The following TBCD variants were observed in gnomAD, a reference collection of about 807,000 sequenced individuals.
TBCD encodes the protein tubulin folding cofactor D.
A neutral mutation model predicts 169.3 loss-of-function variants in TBCD; 105 were observed. The ratio of observed to expected loss-of-function variants is 0.62; its 90% confidence interval spans 0.53 to 0.73. The LOEUF (loss-of-function observed/expected upper bound fraction) is 0.73. Among genes scored for constraint, TBCD ranks in the 30% least tolerant of loss-of-function variants. TBCD has a pLI of 0.00. For synonymous variants in TBCD, 700 were observed against 643.9 expected, an observed-to-expected ratio of 1.09 and a Z score of -1.32; for missense variants, 1,444 against 1,600.1, an observed-to-expected ratio of 0.90 and a Z score of 1.66.
At chr17:82,870,614 T>C (rs1280691858) in intron 14 of TBCD, among the ~76,000 whole-genome samples, 1 of 151,276 alleles carries the variant, frequency 6.6e-6, no homozygotes, top group African/African-American at 2.4e-5. Context: ...CTGCAGGCAG[T>C]GGATTCTTGG....
intron 13 of TBCD, among the ~76,000 whole-genome samples, chr17:82,824,344 G>A (rs2052662931): frequency 6.6e-6 from 1 of 151,982 alleles, no homozygotes. Flanking sequence ...ACCATGCCCG[G>A]CTAATTCGTT....
chr17:82,808,760 C>G (rs2051205004), intron 11 of TBCD, among the ~76,000 whole-genome samples: 1 of 146,842 alleles, frequency 6.8e-6, no homozygotes, highest in Non-Finnish European at 1.5e-5. Context: ...AGGGAGGTCC[C>G]TGCTGTGGAG....
chr17:82,918,798 A>G (rs1196340464), intron 23 of TBCD: 1 of 152,246 alleles, frequency 6.6e-6, no homozygotes, highest in Admixed American at 6.5e-5. Context: ...TGCATCTCCA[A>G]GAAAATTATT....
chr17:82,812,322 G>A (rs1054742065), intron 12 of TBCD, among the ~76,000 whole-genome samples: 6 of 152,142 alleles, frequency 3.9e-5, no homozygotes, highest in Admixed American at 1.3e-4. Context: ...CCTCCCCCTC[G>A]CCCGCCGCCC....
intron 1 of TBCD, among the ~76,000 whole-genome samples, chr17:82,754,089 A>G (rs1304279720): frequency 6.6e-6 from 1 of 151,148 alleles, no homozygotes; most frequent in African/African-American, 2.4e-5. Context: ...GTTAGCCAGG[A>G]TGGTCTCGAT....
chr17:82,807,281 G>T (rs1244612296), intron 10 of TBCD, among the ~76,000 whole-genome samples: 1 of 152,216 alleles, frequency 6.6e-6, no homozygotes, highest in Non-Finnish European at 1.5e-5. Flanking sequence ...AGCCCACTTT[G>T]GTCACCCGTG....
rs370365856 is a variant in TBCD at position 82,830,403 on chromosome 17, G to A, written c.1318+15469G>A. 1.2e-5 allele frequency: 19 copies of A among 1,611,660 alleles called. No homozygotes were observed. The African/African-American group carries it at 2.4e-4, about 20-fold the overall frequency. ...GGCTGTAGGCCGCCAGCTGGCACAG[G>A]GCCACGGCTGCCGTCTGCTTCTGCT... On this transcript the variant is annotated intron_variant, in intron 13 of 38. Transcript: ENST00000355528.
chr17:82,818,470 A>G (rs2052125267), intron 13 of TBCD, among the ~76,000 whole-genome samples: 1 of 152,186 alleles, frequency 6.6e-6, no homozygotes, highest in Non-Finnish European at 1.5e-5. Context: ...TTGTTTATAT[A>G]AAGCTATAGT....
At chr17:82,851,801 A>G (rs751523326) in intron 13 of TBCD, among the ~76,000 whole-genome samples, 1 of 152,212 alleles carries the variant, frequency 6.6e-6, no homozygotes, top group Non-Finnish European at 1.5e-5. Context: ...CACCGTGGAG[A>G]TGGAAAATGG....
intron 16 of TBCD, among the ~76,000 whole-genome samples, chr17:82,892,809 T>C (rs2059231931): frequency 6.6e-6 from 1 of 152,208 alleles, no homozygotes; most frequent in South Asian, 2.1e-4. Context: ...AAATTATTTA[T>C]GTTGTTTCCA....
Position 82,850,188 on chromosome 17 carries a change from C to A in TBCD, c.1319-20036C>A, listed in dbSNP as rs1320471622. Among the ~76,000 whole-genome samples, 305 of 120,040 alleles carry A rather than the reference C, an allele frequency of 2.5e-3. 16 individuals are homozygous for A. Among genetic ancestry groups the A allele is most frequent in the African/African-American group, 9.6e-3 (287 of 29,990 alleles). 78.8% of individuals were successfully genotyped at this position (120,040 alleles called of 152,430 possible). A position where few individuals can be genotyped will look rare whatever the true frequency, so the allele number is the denominator to read the frequency against. ...GTTGCCTGTGCTGCTGTTGGCTGTG[C>A]TGCTGTTGGCTGTGCTGTTGTTGGC... On this transcript the variant is annotated intron_variant, in intron 13 of 38. Coordinates refer to ENST00000355528, the MANE Select transcript of TBCD (RefSeq NM_005993.5).
rs1048705367 is a variant in TBCD at position 82,922,571 on chromosome 17, G to A, written c.2178+994G>A. Among the ~76,000 whole-genome samples, 5 of 151,522 alleles carry A rather than the reference G, an allele frequency of 3.3e-5. No individual in the cohort carries two copies. Among genetic ancestry groups the A allele is most frequent in the African/African-American group, 1.2e-4 (5 of 41,184 alleles). On this transcript the variant is annotated intron_variant, in intron 25 of 38. Transcript: ENST00000355528. The surrounding 1 kb of genome is among the most constrained non-coding windows in gnomAD (Gnocchi z 4.1). ...GAACATTCTGTAGGATCCAAGTACC[G>A]TTCTACTAATTGAATTTGAATGCAT... is the stretch of plus-strand genomic sequence containing the variant.
rs1402542200 is a variant in TBCD, at chr17:82,920,209, A to T, written c.2039-347A>T. ...GGTCCTGAGTGACAGGTCTAGGAGC[A>T]GAAGCCGCTATGCTTCCCGTACAGC... On this transcript the variant is annotated intron_variant, in intron 23 of 38. Coordinates refer to ENST00000355528, the MANE Select transcript of TBCD (RefSeq NM_005993.5). The surrounding 1 kb of genome is among the most constrained non-coding windows in gnomAD (Gnocchi z 4.1). Among the ~76,000 whole-genome samples the T allele has an allele frequency of 6.6e-6, 1 of 152,264 alleles. No homozygotes were observed. The highest frequency in any genetic ancestry group is 1.5e-5 in the Non-Finnish European group (1 of 68,044).
rs1568166457 is a variant in TBCD, at chr17:82,807,624, G to A, written c.1104G>A (p.Gly368=). Residue 368 remains glycine, a synonymous_variant, in exon 11 of 39, where the codon GGG becomes GGA. Transcript: ENST00000355528. ...TTCCTACAGAGCAGCTGCTGGTCGG[G>A]CTGAAGGACAAGGACACGGTCGTGC... ...VERVIEQLLV[G]LKDKDTVVRW... is the part of the protein sequence containing the mutation. The A allele has an allele frequency of 5.8e-6, 9 of 1,550,460 alleles. No homozygotes were observed. Among genetic ancestry groups the A allele is most frequent in the Non-Finnish European group, 7.8e-6 (9 of 1,147,656 alleles).
Position 82,861,573 on chromosome 17 carries a change from T to C in TBCD, c.1319-8651T>C, listed in dbSNP as rs1247884863. Reference sequence around the variant, plus strand: ...CGGTGTGCCGCGCACTGGCCATGTGTCCGGAGAGGGCTGTGATTGCGGCTG... The same window carrying C: ...CGGTGTGCCGCGCACTGGCCATGTGCCCGGAGAGGGCTGTGATTGCGGCTG... On this transcript the variant is annotated intron_variant, in intron 13 of 38. Transcript: ENST00000355528. Among the ~76,000 whole-genome samples, 3 of 152,224 alleles carry C rather than the reference T, an allele frequency of 2.0e-5. No individual in the cohort carries two copies. The South Asian group carries it at 6.2e-4, about 31-fold the overall frequency.
chr17:82,773,486 G>A (rs1469727748), intron 6 of TBCD, among the ~76,000 whole-genome samples: 1 of 152,212 alleles, frequency 6.6e-6, no homozygotes, highest in African/African-American at 2.4e-5. Flanking sequence ...AGATAATAGA[G>A]CATGAAGTAC....
At chr17:82,845,137 C>G (rs1598882922) in intron 13 of TBCD, among the ~76,000 whole-genome samples, 3 of 152,300 alleles carry the variant, frequency 2.0e-5, no homozygotes, top group South Asian at 2.1e-4. Flanking sequence ...GGGCCTCTTT[C>G]CCTAGGGGCA....
chr17:82,846,408 C>CCCTCCACGT (rs1441678689), intron 13 of TBCD, among the ~76,000 whole-genome samples: 1 of 152,178 alleles, frequency 6.6e-6, no homozygotes, highest in African/African-American at 2.4e-5. Context: ...CTCTGCTGCC[C>CCCTCCACGT]GCTGCTCTCT....
intron 34 of TBCD, among the ~76,000 whole-genome samples, chr17:82,935,063 C>A (rs56154954): frequency 5.6e-5 from 8 of 142,916 alleles, no homozygotes; most frequent in African/African-American, 1.0e-4. Context: ...GACTCTGTTT[C>A]AAAAAAAAAA....
Sources: gnomAD v4.1 joint callset for allele counts (sites outside exome capture counted in the v4.1 genomes callset) on GRCh38, gnomAD v4.1.1 for gene constraint, Gnocchi (gnomAD v3.1) non-coding constraint, MANE v1.5 for transcripts, NCBI Gene and HGNC (gene_info 2026-07-23, HGNC 2026-07-21) for gene names.